Variants in TBC1D22A observed in about 807,000 individuals in gnomAD.
TBC1D22A encodes the protein TBC1 domain family member 22A.
A neutral mutation model predicts 60.2 loss-of-function variants in TBC1D22A; 38 were observed. The ratio of observed to expected loss-of-function variants is 0.63; its 90% confidence interval spans 0.49 to 0.83. The LOEUF (loss-of-function observed/expected upper bound fraction) is 0.83. TBC1D22A is among the 40% of genes least tolerant of loss of function. The pLI is 0.00. For missense variants in TBC1D22A, 628 were observed against 701.0 expected (o/e 0.90, Z 1.18); for synonymous variants, 302 against 281.7 (o/e 1.07, Z -0.72).
At chr22:46,811,380 G>A (rs1162703654) in intron 4 of TBC1D22A, among the ~76,000 whole-genome samples, 4 of 152,172 alleles carry the variant, frequency 2.6e-5, no homozygotes, top group East Asian at 1.9e-4. Context: ...TGTGCTGGAC[G>A]GTGATGAGCA....
rs145298009 is a variant in TBC1D22A, at chr22:46,953,962, AC to A, written c.1016-20327del. Among the ~76,000 whole-genome samples, 422 of 152,344 alleles carry A rather than the reference AC, an allele frequency of 2.8e-3. 2 individuals carry two copies. The highest frequency in any genetic ancestry group is 9.8e-3 in the African/African-American group (406 of 41,582). On this transcript the variant is annotated intron_variant, in intron 8 of 12. Transcript: ENST00000337137. ...CAGGTTAACTGATTTGTTGAAGGCC[AC>A]TTAACTAGGAGGTAGCAGAGCTGTG... is the stretch of plus-strand genomic sequence containing the variant.
intron 1 of TBC1D22A, 43 bp from the exon 2 acceptor site, chr22:46,792,477 G>A: frequency 6.2e-7 from 1 of 1,613,980 alleles, no homozygotes; most frequent in South Asian, 1.1e-5. Context: ...CTCTTGGGAA[G>A]GCAGGAGAGA....
At chr22:46,923,514 G>A (rs996286587) in intron 8 of TBC1D22A, among the ~76,000 whole-genome samples, 2 of 152,264 alleles carry the variant, frequency 1.3e-5, no homozygotes, top group Non-Finnish European at 2.9e-5. Context: ...TAGGGTCGCA[G>A]TGTCTAGGTC....
chr22:46,914,192 TAAG>T (rs1305084167), intron 8 of TBC1D22A: 1 of 152,182 alleles, frequency 6.6e-6, no homozygotes, highest in Admixed American at 6.5e-5. Context: ...TCCGAGCACT[TAAG>T]GAGGTTGATG....
At chr22:47,091,522 AG>A (rs1323311113) in intron 11 of TBC1D22A, among the ~76,000 whole-genome samples, 1 of 113,496 alleles carries the variant, frequency 8.8e-6, no homozygotes, top group Non-Finnish European at 1.8e-5. Context: ...TGATAGAGAC[AG>A]GCAGGAGAAG....
At chr22:47,033,971 TGTCCCCCGAGG>T in intron 10 of TBC1D22A, among the ~76,000 whole-genome samples, 1 of 152,268 alleles carries the variant, frequency 6.6e-6, no homozygotes, top group Admixed American at 6.5e-5. Context: ...TTGGTCTCTC[TGTCCCCCGAGG>T]GATGAGCAGC....
chr22:46,993,071 G>T (rs1376486600), intron 9 of TBC1D22A, among the ~76,000 whole-genome samples: 1 of 152,236 alleles, frequency 6.6e-6, no homozygotes, highest in Non-Finnish European at 1.5e-5. Context: ...CACTTTGTCA[G>T]AGAGGCAGGA....
chr22:46,986,984 T>C (rs1487116248), intron 9 of TBC1D22A, among the ~76,000 whole-genome samples: 1 of 152,212 alleles, frequency 6.6e-6, no homozygotes, highest in African/African-American at 2.4e-5. Context: ...AGTAGGACTT[T>C]GGGTTGGATC....
chr22:46,988,984 T>C (rs2074832338), intron 9 of TBC1D22A, among the ~76,000 whole-genome samples: 1 of 152,234 alleles, frequency 6.6e-6, no homozygotes, highest in Non-Finnish European at 1.5e-5. Context: ...CTTGGCTAGA[T>C]CTTCTGGAGA....
chr22:47,083,361 A>G (rs990976649), intron 11 of TBC1D22A, among the ~76,000 whole-genome samples: 2 of 151,992 alleles, frequency 1.3e-5, no homozygotes, highest in African/African-American at 4.8e-5. Flanking sequence ...ACACACACAC[A>G]CACACACACA....
At chr22:47,162,091 C>T (rs1393630966) in intron 12 of TBC1D22A, among the ~76,000 whole-genome samples, 1 of 152,188 alleles carries the variant, frequency 6.6e-6, no homozygotes, top group Non-Finnish European at 1.5e-5. Flanking sequence ...GCCAGCATTT[C>T]CTCCTTTCTA....
At chr22:46,811,982 C>T (rs948763138) in intron 4 of TBC1D22A, among the ~76,000 whole-genome samples, 21 of 152,056 alleles carry the variant, frequency 1.4e-4, no homozygotes, top group African/African-American at 4.3e-4. Flanking sequence ...GTTTCCCTAC[C>T]AGTAAAATCA....
intron 1 of TBC1D22A, among the ~76,000 whole-genome samples, chr22:46,786,125 A>G (rs1022335110): frequency 6.6e-6 from 1 of 152,162 alleles, no homozygotes; most frequent in African/African-American, 2.4e-5. Flanking sequence ...GCCTTTCACC[A>G]TTAAGTGTGA....
At chr22:47,131,493 C>T (rs2066676786) in intron 12 of TBC1D22A, among the ~76,000 whole-genome samples, 2 of 152,368 alleles carry the variant, frequency 1.3e-5, no homozygotes, top group East Asian at 1.9e-4. Flanking sequence ...GCTCCAGCCA[C>T]AGGAGTGTTC....
At chr22:47,056,676 T>A (rs1286213433) in intron 11 of TBC1D22A, among the ~76,000 whole-genome samples, 1 of 152,090 alleles carries the variant, frequency 6.6e-6, no homozygotes, top group Admixed American at 6.5e-5. Context: ...CACACTCATG[T>A]CAACCCCAGG....
chr22:46,891,524 A>G, intron 6 of TBC1D22A, 130 bp downstream of exon 6: 2 of 925,766 alleles, frequency 2.2e-6, no homozygotes, highest in South Asian at 6.1e-5. Context: ...TGATTAGCTC[A>G]CAGATTTTTA....
intron 8 of TBC1D22A, among the ~76,000 whole-genome samples, chr22:46,944,545 C>T (rs1314528447): frequency 1.3e-5 from 2 of 152,110 alleles, no homozygotes; most frequent in Non-Finnish European, 2.9e-5. Flanking sequence ...ACTACAGGCG[C>T]CCGCCACCAT....
chr22:46,774,567 G>A (rs2083619146), intron 1 of TBC1D22A, among the ~76,000 whole-genome samples: 1 of 152,200 alleles, frequency 6.6e-6, no homozygotes, highest in South Asian at 2.1e-4. Context: ...GTTACTGATG[G>A]CAGCCCCCCG....
intron 4 of TBC1D22A, among the ~76,000 whole-genome samples, chr22:46,869,167 T>C (rs1439145137): frequency 6.6e-6 from 1 of 152,202 alleles, no homozygotes; most frequent in Non-Finnish European, 1.5e-5. Context: ...TACTGCCCTG[T>C]TGGTGAGAGT....
Sources: gnomAD v4.1 joint callset for allele counts (sites outside exome capture counted in the v4.1 genomes callset) on GRCh38, gnomAD v4.1.1 for gene constraint, MANE v1.5 for transcripts, NCBI Gene and HGNC (gene_info 2026-07-23, HGNC 2026-07-21) for gene names.